The following ATP8B1 variants were observed in gnomAD, a reference collection of about 807,000 sequenced individuals.
ATP8B1 encodes the protein ATPase phospholipid transporting 8B1.
A neutral mutation model predicts 149.9 loss-of-function variants in ATP8B1; 80 were observed. That is an observed-to-expected ratio of 0.53 (90% CI 0.45 to 0.64). The LOEUF (loss-of-function observed/expected upper bound fraction) is 0.64, where lower values mean the gene tolerates loss of function less well. Ranked by LOEUF, ATP8B1 falls within the 30% of genes least tolerant of loss-of-function variation. The pLI, the probability that ATP8B1 is intolerant of heterozygous loss-of-function variation, is 0.00. For synonymous variants in ATP8B1, 536 were observed against 562.8 expected (o/e 0.95, Z 0.67); for missense variants, 1,247 against 1,552.6 (o/e 0.80, Z 3.31).
At chr18:57,660,519 GT>G (rs766774369) in intron 22 of ATP8B1, among the ~76,000 whole-genome samples, 1 of 152,084 alleles carries the variant, frequency 6.6e-6, no homozygotes, top group Non-Finnish European at 1.5e-5. Flanking sequence ...AGGGTTTTTT[GT>G]TTTGTTTTGT....
intron 2 of ATP8B1, among the ~76,000 whole-genome samples, chr18:57,723,961 C>G (rs1708962756): frequency 6.8e-6 from 1 of 146,072 alleles, no homozygotes; most frequent in African/African-American, 2.6e-5. Context: ...CTAGAACTAT[C>G]TGACCTTTGA....
chr18:57,747,770 T>G (rs2079978043), intron 1 of ATP8B1, among the ~76,000 whole-genome samples: 1 of 152,188 alleles, frequency 6.6e-6, no homozygotes, highest in South Asian at 2.1e-4. Context: ...ATCTGAAGGT[T>G]AACACCTTTA....
In ATP8B1 at chr18:57,797,709, T is replaced by TC. The variant is rs1568076504; in HGVS notation, c.-26+5288_-26+5289insG. Among the ~76,000 whole-genome samples the TC allele has an allele frequency of 2.1e-3, 299 of 139,350 alleles. 2 individuals carry two copies. Among genetic ancestry groups the TC allele is most frequent in the African/African-American group, 7.8e-3 (291 of 37,240 alleles). 91.4% of individuals were successfully genotyped at this position (139,350 alleles called of 152,430 possible). A position where few individuals can be genotyped will look rare whatever the true frequency, so the allele number is the denominator to read the frequency against. The stretch of plus-strand genomic sequence containing the variant: ...TGATCTGCTTTCTTTCTTTCTTTTT[T>TC]TTTTTTTTTTTTTTTTGAGATGGAG... On this transcript the variant is annotated intron_variant, in intron 1 of 27. Transcript: ENST00000648908.
intron 23 of ATP8B1, 148 bp downstream of exon 23, chr18:57,655,046 A>T: frequency 1.3e-6 from 1 of 753,916 alleles, no homozygotes; most frequent in Non-Finnish European, 2.2e-6. Flanking sequence ...TAGAGAAGTC[A>T]TGATCATTCT....
At chr18:57,703,143 G>A (rs1199963540) in intron 4 of ATP8B1, among the ~76,000 whole-genome samples, 2 of 151,808 alleles carry the variant, frequency 1.3e-5, no homozygotes, top group Non-Finnish European at 2.9e-5. Flanking sequence ...CCTTACCATC[G>A]TCTCTTCTTT....
chr18:57,736,067 T>C (rs1481850420), intron 1 of ATP8B1, among the ~76,000 whole-genome samples: 2 of 135,572 alleles, frequency 1.5e-5, no homozygotes, highest in African/African-American at 5.4e-5. Context: ...AGTGAGAACA[T>C]GTGGTGTTTA....
chr18:57,673,249 C>T (rs566641445), intron 16 of ATP8B1, among the ~76,000 whole-genome samples: 15 of 151,772 alleles, frequency 9.9e-5, no homozygotes, highest in Non-Finnish European at 1.2e-4. Context: ...GAGATTGAAC[C>T]GTCCTTGACT....
intron 2 of ATP8B1, among the ~76,000 whole-genome samples, chr18:57,727,012 G>A (rs9951733): frequency 0.055 from 8,446 of 152,206 alleles, 325 homozygotes; most frequent in Middle Eastern, 0.12. Flanking sequence ...CCCGGGAGGC[G>A]GAGGTTGCAG....
chr18:57,684,484 C>T (rs1238926231), intron 14 of ATP8B1, among the ~76,000 whole-genome samples: 1 of 152,010 alleles, frequency 6.6e-6, no homozygotes, highest in Non-Finnish European at 1.5e-5. Flanking sequence ...TCAAGCAATC[C>T]TTCTGAGTAG....
At chr18:57,657,718 G>T (rs1411420279) in intron 22 of ATP8B1, among the ~76,000 whole-genome samples, 1 of 152,148 alleles carries the variant, frequency 6.6e-6, no homozygotes, top group East Asian at 1.9e-4. Flanking sequence ...TTTCTTTCCT[G>T]AACAAGCCAC....
At chr18:57,689,111 C>T (rs1186148592) in intron 12 of ATP8B1, among the ~76,000 whole-genome samples, 1 of 152,148 alleles carries the variant, frequency 6.6e-6, no homozygotes, top group Admixed American at 6.5e-5. Flanking sequence ...TTAGCCAAGG[C>T]ACCCATGTTC....
chr18:57,739,027 G>A (rs568336705), intron 1 of ATP8B1, among the ~76,000 whole-genome samples: 28 of 152,034 alleles, frequency 1.8e-4, no homozygotes, highest in Non-Finnish European at 3.5e-4. Flanking sequence ...ACTCAGTTTC[G>A]CTCTGTTGCC....
intron 6 of ATP8B1, among the ~76,000 whole-genome samples, chr18:57,699,006 T>G (rs967550755): frequency 6.6e-6 from 1 of 152,226 alleles, no homozygotes; most frequent in Non-Finnish European, 1.5e-5. Flanking sequence ...ATGCAGAAAG[T>G]ACTCCATAAG....
intron 1 of ATP8B1, among the ~76,000 whole-genome samples, chr18:57,757,792 T>C (rs1008813126): frequency 6.6e-6 from 1 of 152,184 alleles, no homozygotes; most frequent in Non-Finnish European, 1.5e-5. Context: ...CGTAAGAGTT[T>C]AAAATTTCTT....
At chr18:57,731,940 T>C in intron 1 of ATP8B1, 108 bp from the exon 2 acceptor site, 1 of 1,062,174 alleles carries the variant, frequency 9.4e-7, no homozygotes, top group East Asian at 2.4e-5. Context: ...TTGTCTAACA[T>C]GTAAATATTC....
chr18:57,694,692 T>A (rs1172827316), intron 10 of ATP8B1, 22 bp from the exon 11 acceptor site: 1 of 1,464,006 alleles, frequency 6.8e-7, no homozygotes, highest in South Asian at 1.1e-5. Flanking sequence ...AAATTCAATG[T>A]AGTCATCAGT....
At chr18:57,694,557 A>G (rs780249787) in intron 11 of ATP8B1, 25 bp downstream of exon 11, 13 of 1,401,256 alleles carry the variant, frequency 9.3e-6, no homozygotes, top group Non-Finnish European at 6.1e-6. Context: ...TAGATGAGAG[A>G]TCTACTGAGA....
intron 1 of ATP8B1, among the ~76,000 whole-genome samples, chr18:57,743,782 G>C (rs2079939921): frequency 6.6e-6 from 1 of 152,104 alleles, no homozygotes; most frequent in African/African-American, 2.4e-5. Context: ...GGAGTTAGAG[G>C]GCCCATGGAA....
At chr18:57,719,516 C>T (rs980314457) in intron 2 of ATP8B1, among the ~76,000 whole-genome samples, 1 of 152,162 alleles carries the variant, frequency 6.6e-6, no homozygotes, top group Non-Finnish European at 1.5e-5. Flanking sequence ...CCTGGAAAAT[C>T]GGGTCACTCC....
Sources: gnomAD v4.1 joint callset for allele counts (sites outside exome capture counted in the v4.1 genomes callset) on GRCh38, gnomAD v4.1.1 for gene constraint, MANE v1.5 for transcripts, NCBI Gene and HGNC (gene_info 2026-07-23, HGNC 2026-07-21) for gene names.